The following MED25 variants were observed in gnomAD, a reference collection of about 807,000 sequenced individuals.
MED25 encodes mediator complex subunit 25, also known as mediator of RNA polymerase II transcription subunit 25.
In MED25, 62 loss-of-function variants were observed where a neutral mutation model predicts 89.4. That is an observed-to-expected ratio of 0.69 (90% CI 0.57 to 0.86). The LOEUF (loss-of-function observed/expected upper bound fraction) is 0.86. Ranked by LOEUF, MED25 falls within the 40% of genes least tolerant of loss-of-function variation. The pLI, the probability that MED25 is intolerant of heterozygous loss-of-function variation, is 0.00. For missense variants in MED25, 905 were observed against 1,005.2 expected (o/e 0.90, Z 1.35); for synonymous variants, 449 against 427.9 (o/e 1.05, Z -0.61).
At chr19:49,828,671 C>T (rs189155058) in intron 4 of MED25, 124 bp downstream of exon 4, 80 of 959,856 alleles carry the variant, frequency 8.3e-5, no homozygotes, top group South Asian at 3.0e-4. Context: ...TCCCCAAGCA[C>T]GCTGAGCCAG....
At chr19:49,819,621 A>G (rs2073968271) in intron 3 of MED25, 1 of 370,854 alleles carries the variant, frequency 2.7e-6, no homozygotes, top group Admixed American at 3.8e-5. Context: ...TGTTGCCATC[A>G]GTTTAGAAGT....
Position 49,818,341 on chromosome 19 carries a change from T to A in MED25, c.-1T>A. Reference sequence around the variant, plus strand: ...TGGTGGTGGCGGGTACCGCACGGGGTATGGTCCCCGGGTCCGAGGGCCCGG... The same window carrying A: ...TGGTGGTGGCGGGTACCGCACGGGGAATGGTCCCCGGGTCCGAGGGCCCGG... On this transcript the variant is annotated 5_prime_UTR_variant, in exon 1 of 18. Transcript: ENST00000312865. The A allele has an allele frequency of 6.4e-7, 1 of 1,570,344 alleles. No individual in the cohort carries two copies. Among genetic ancestry groups the A allele is most frequent in the Middle Eastern group, 1.9e-4 (1 of 5,310 alleles).
chr19:49,836,637 T>C lies in MED25; in HGVS notation c.2147-210T>C. On this transcript the variant is annotated intron_variant, in intron 17 of 17. Transcript: ENST00000312865. The surrounding 1 kb of genome is among the most constrained non-coding windows in gnomAD (Gnocchi z 5.1). Reference sequence around the variant, plus strand: ...GATCCTCCTGTGTGTGCTCCTGGGATTGCTGGGAAATGTGGTCTTAGGGCC... The same window carrying C: ...GATCCTCCTGTGTGTGCTCCTGGGACTGCTGGGAAATGTGGTCTTAGGGCC... The C allele has an allele frequency of 1.3e-6, 1 of 742,452 alleles. No homozygotes were observed. Among genetic ancestry groups the C allele is most frequent in the Admixed American group, 2.0e-5 (1 of 50,024 alleles). 46.0% of individuals were successfully genotyped at this position (742,452 alleles called of 1,614,324 possible).
chr19:49,827,296 G>A (rs912495235), intron 3 of MED25, among the ~76,000 whole-genome samples: 1 of 152,190 alleles, frequency 6.6e-6, no homozygotes, highest in East Asian at 1.9e-4. Flanking sequence ...CAGATCAGGC[G>A]GAGGAGAAAC....
rs111765881 is a variant in MED25 at position 49,822,977 on chromosome 19, C to T, written c.305+3681C>T. 6.4e-3 allele frequency among the ~76,000 whole-genome samples: 981 copies of T among 152,178 alleles called. 9 individuals are homozygous for T. Among genetic ancestry groups the T allele is most frequent in the African/African-American group, 0.023 (937 of 41,528 alleles). On this transcript the variant is annotated intron_variant, in intron 3 of 17. Transcript: ENST00000312865. ...TCTGTTTTTTAACCTGAGACAGGGT[C>T]TTGCTCTGTTGCCCAGATTGGAGTG...
At chr19:49,839,165 C>A (rs1018605751), downstream of MED25, 24 of 219,734 alleles carry the variant, frequency 1.1e-4, 1 homozygote, top group African/African-American at 4.4e-4. Context: ...TTGATGTGAC[C>A]GAAGAAGTCT....
downstream of MED25, chr19:49,837,082 T>A: frequency 1.3e-6 from 1 of 774,458 alleles, no homozygotes; most frequent in South Asian, 1.5e-5. Context: ...CCTGGGGCCC[T>A]GGGTGAATGA....
chr19:49,835,107 A>G lies in MED25; in HGVS notation c.1604A>G (p.Asn535Ser), dbSNP rs1198078458. 9.3e-6 allele frequency: 15 copies of G among 1,613,940 alleles called. No individual in the cohort carries two copies. Among genetic ancestry groups the G allele is most frequent in the Admixed American group, 1.7e-5 (1 of 59,998 alleles). The change falls in exon 14 of 18, where the codon AAC becomes AGC. Residue 535 changes from asparagine to serine, a missense_variant. Coordinates refer to ENST00000312865, the MANE Select transcript of MED25 (RefSeq NM_030973.4). This position sits in a 1 kb window ranked among gnomAD's most constrained non-coding sequence, Gnocchi z 6.2. ...LIPYDQSGFVNGIRQVITNHK... is the reference protein window; with the variant it reads ...LIPYDQSGFVSGIRQVITNHK... ...CCCTACGACCAGAGCGGCTTCGTCA[A>G]CGGCATCCGGCAGGTCATCACCAAC...
chr19:49,818,795 G>A (rs1167061844), intron 2 of MED25, 179 bp downstream of exon 2: 2 of 683,014 alleles, frequency 2.9e-6, no homozygotes, highest in Non-Finnish European at 4.9e-6. Context: ...GGGTCTGAGG[G>A]TGGAGGCGCT....
intron 3 of MED25, among the ~76,000 whole-genome samples, chr19:49,824,738 G>A (rs1413705643): frequency 1.3e-5 from 2 of 152,210 alleles, no homozygotes; most frequent in Non-Finnish European, 2.9e-5. Context: ...GAGTTAGTGG[G>A]CATGAGATAG....
Position 49,836,429 on chromosome 19 carries a change from A to G in MED25, c.2146+23A>G. 1 of 1,567,460 alleles carries G rather than the reference A, an allele frequency of 6.4e-7. No homozygotes were observed. Among genetic ancestry groups the G allele is most frequent in the Non-Finnish European group, 8.7e-7 (1 of 1,155,712 alleles). Reference sequence around the variant, plus strand: ...CAGGTAAGGGGACCCGGGGGAGGGCAGAGGTCTGGACTGAGTGTCCCAGCA... The same window carrying G: ...CAGGTAAGGGGACCCGGGGGAGGGCGGAGGTCTGGACTGAGTGTCCCAGCA... On this transcript the variant is annotated intron_variant, in intron 17 of 17. Coordinates refer to ENST00000312865, the MANE Select transcript of MED25 (RefSeq NM_030973.4). This position sits in a 1 kb window ranked among gnomAD's most constrained non-coding sequence, Gnocchi z 5.1.
rs997475115 is a variant in MED25, at chr19:49,830,159, G to A, written c.760G>A (p.Gly254Ser). ...PVPLPPAAPSGATLSAAPQQP... is the reference protein window; with the variant it reads ...PVPLPPAAPSSATLSAAPQQP... The stretch of plus-strand genomic sequence containing the variant: ...CCCCCTGCCTCCCGCCGCACCCTCA[G>A]GTGCCACTCTCTCAGCAGCCCCCCA... The change falls in exon 7 of 18, where the codon GGT (glycine) becomes AGT (serine). Residue 254 changes from glycine to serine, a missense_variant. Gly to Ser is a moderately conservative substitution (Grantham distance 56). Transcript: ENST00000312865. The surrounding 1 kb of genome is among the most constrained non-coding windows in gnomAD (Gnocchi z 4.6). 1.2e-6 allele frequency: 2 copies of A among 1,604,298 alleles called. No homozygotes were observed. The highest frequency in any genetic ancestry group is 1.7e-6 in the Non-Finnish European group (2 of 1,172,810).
chr19:49,820,408 G>A (rs1251637389), intron 3 of MED25, among the ~76,000 whole-genome samples: 2 of 152,240 alleles, frequency 1.3e-5, no homozygotes, highest in African/African-American at 4.8e-5. Flanking sequence ...CAACCCAGAT[G>A]TCCCTTATCT....
intron 3 of MED25, among the ~76,000 whole-genome samples, chr19:49,826,856 G>A (rs532028055): frequency 6.6e-6 from 1 of 152,284 alleles, no homozygotes; most frequent in East Asian, 1.9e-4. Flanking sequence ...ACCTATAGGT[G>A]CGGGCATGGA....
intron 2 of MED25, 141 bp from the exon 3 acceptor site, chr19:49,819,031 C>T: frequency 9.3e-7 from 1 of 1,071,450 alleles, no homozygotes. Context: ...GGGCTGGGGC[C>T]GAGATTGCTG....
In MED25 at chr19:49,834,805, C is replaced by T. The variant is rs1600330084; in HGVS notation, c.1483-181C>T. 7.8e-6 allele frequency: 5 copies of T among 643,162 alleles called. No individual in the cohort carries two copies. The East Asian group carries it at 1.4e-4, about 18-fold the overall frequency. 39.8% of individuals were successfully genotyped at this position (643,162 alleles called of 1,614,324 possible). ...TGGGCAGCTGGAACCCTAGCTTGCC[C>T]TGAGCGCCTCAGTTTCTGTCTCCAG... On this transcript the variant is annotated intron_variant, in intron 13 of 17. Transcript: ENST00000312865. The surrounding 1 kb of genome is among the most constrained non-coding windows in gnomAD (Gnocchi z 4.1).
intron 11 of MED25, 24 bp downstream of exon 11, chr19:49,832,045 T>TGTG (rs757574065): frequency 5.0e-6 from 8 of 1,612,488 alleles, no homozygotes; most frequent in Non-Finnish European, 6.8e-6. Flanking sequence ...AGGGGCGGGG[T>TGTG]GTGGTGGGGC....
At chr19:49,822,435 C>CA (rs1029383556) in intron 3 of MED25, among the ~76,000 whole-genome samples, 34 of 150,384 alleles carry the variant, frequency 2.3e-4, no homozygotes, top group African/African-American at 7.6e-4. Flanking sequence ...GACCCTGTCT[C>CA]AAAAAAAAAT....
intron 3 of MED25, among the ~76,000 whole-genome samples, chr19:49,823,755 G>A (rs66937811): frequency 0.29 from 44,053 of 152,032 alleles, 7,213 homozygotes; most frequent in East Asian, 0.49. Context: ...TCCCCTTCGC[G>A]GTAGCTGGAA....
Sources: gnomAD v4.1 joint callset for allele counts (sites outside exome capture counted in the v4.1 genomes callset) on GRCh38, gnomAD v4.1.1 for gene constraint, Gnocchi (gnomAD v3.1) non-coding constraint, MANE v1.5 for transcripts, NCBI Gene and HGNC (gene_info 2026-07-23, HGNC 2026-07-21) for gene names.